The following MAP2K6 variants were observed in gnomAD, a reference collection of about 807,000 sequenced individuals.
MAP2K6 encodes dual specificity mitogen-activated protein kinase kinase 6.
In MAP2K6, 16 loss-of-function variants were observed where a neutral mutation model predicts 53.7. The observed-to-expected ratio is 0.30, with a 90% CI of 0.20 to 0.45. MAP2K6 has a LOEUF of 0.45. MAP2K6 is among the 20% of genes least tolerant of loss of function. The probability of loss-of-function intolerance (pLI) is 1.00; values close to 1 mark genes in which losing one functional copy is unlikely to be tolerated. For missense variants in MAP2K6, 204 were observed against 411.9 expected (o/e 0.50, Z 4.37); for synonymous variants, 132 against 143.1 (o/e 0.92, Z 0.55).
chr17:69,498,537 G>A (rs1211477234), intron 1 of MAP2K6, among the ~76,000 whole-genome samples: 2 of 152,014 alleles, frequency 1.3e-5, no homozygotes, highest in Non-Finnish European at 2.9e-5. Flanking sequence ...GGATAGGATT[G>A]CAAGTGTGGC....
intron 5 of MAP2K6, 147 bp from the exon 6 acceptor site, chr17:69,520,123 G>C: frequency 1.7e-6 from 1 of 582,238 alleles, no homozygotes; most frequent in Non-Finnish European, 3.0e-6. Context: ...ATTCCTTTAT[G>C]ATCTTGACAG....
intron 9 of MAP2K6, among the ~76,000 whole-genome samples, chr17:69,525,751 C>A: frequency 6.6e-6 from 1 of 152,280 alleles, no homozygotes; most frequent in South Asian, 2.1e-4. Context: ...CCCACTGGGT[C>A]CCTCCCACAA....
intron 1 of MAP2K6, among the ~76,000 whole-genome samples, chr17:69,463,314 A>G (rs1282110471): frequency 6.7e-6 from 1 of 150,062 alleles, no homozygotes; most frequent in African/African-American, 2.5e-5. Flanking sequence ...ATGTATATAT[A>G]TATCACTATA....
At chr17:69,451,841 G>C (rs997567389) in intron 1 of MAP2K6, among the ~76,000 whole-genome samples, 2 of 152,142 alleles carry the variant, frequency 1.3e-5, no homozygotes, top group African/African-American at 2.4e-5. Context: ...CCTGGAGAAG[G>C]CTCAGCAACT....
intron 1 of MAP2K6, among the ~76,000 whole-genome samples, chr17:69,470,338 A>C (rs1907945954): frequency 6.6e-6 from 1 of 152,232 alleles, no homozygotes; most frequent in South Asian, 2.1e-4. Flanking sequence ...ACTGATAAGA[A>C]TAAACCAGGC....
At chr17:69,506,266 C>CAT (rs1328003570) in intron 2 of MAP2K6, among the ~76,000 whole-genome samples, 1 of 149,724 alleles carries the variant, frequency 6.7e-6, no homozygotes, top group Non-Finnish European at 1.5e-5. Context: ...AATTCTGTCC[C>CAT]ATATAAACAG....
In MAP2K6 at chr17:69,440,426, A is replaced by T. The variant is rs1489628259; in HGVS notation, c.16+25426A>T. Among the ~76,000 whole-genome samples the T allele has an allele frequency of 2.6e-5, 4 of 152,006 alleles. No individual in the cohort carries two copies. In the East Asian group the frequency reaches 7.7e-4, roughly 29 times the overall value. On this transcript the variant is annotated intron_variant, in intron 1 of 11. Coordinates refer to ENST00000590474, the MANE Select transcript of MAP2K6 (RefSeq NM_002758.4). ...ACCCCAGCCTCACCCAATATAACTC[A>T]TCTCCTCTTGTGACTTACAGTGGTC... is the stretch of plus-strand genomic sequence containing the variant.
chr17:69,423,633 C>T (rs576526198), intron 1 of MAP2K6, among the ~76,000 whole-genome samples: 24 of 152,192 alleles, frequency 1.6e-4, no homozygotes, highest in Non-Finnish European at 3.2e-4. Context: ...CCACAGGAAA[C>T]GTCTGAGTGG....
At chr17:69,501,752 C>A (rs1909184379) in intron 1 of MAP2K6, 1 of 152,102 alleles carries the variant, frequency 6.6e-6, no homozygotes, top group Non-Finnish European at 1.5e-5. Flanking sequence ...CTGCAGAAAT[C>A]TACAGAATTC....
At chr17:69,519,222 A>G in intron 4 of MAP2K6, 91 bp from the exon 5 acceptor site, 1 of 1,436,240 alleles carries the variant, frequency 7.0e-7, no homozygotes, top group Admixed American at 2.3e-5. Flanking sequence ...AACTTGTGTC[A>G]TGAACTATTT....
intron 2 of MAP2K6, among the ~76,000 whole-genome samples, chr17:69,506,533 A>C (rs529491918): frequency 6.6e-6 from 1 of 152,004 alleles, no homozygotes; most frequent in Non-Finnish European, 1.5e-5. Context: ...TTCCAAGGAA[A>C]CTCACAATAG....
intron 2 of MAP2K6, among the ~76,000 whole-genome samples, chr17:69,510,800 C>A (rs948030580): frequency 1.3e-5 from 2 of 149,764 alleles, no homozygotes; most frequent in Non-Finnish European, 2.9e-5. Flanking sequence ...GTTGTGACAT[C>A]CTTTTTTTTT....
At chr17:69,498,799 C>T (rs1187838622) in intron 1 of MAP2K6, among the ~76,000 whole-genome samples, 3 of 152,112 alleles carry the variant, frequency 2.0e-5, no homozygotes, top group Non-Finnish European at 4.4e-5. Flanking sequence ...CAAGCAGGCA[C>T]TAGTTCTAGG....
rs1053898643 is a variant in MAP2K6, at chr17:69,543,884, A to T, written c.*2131A>T. 2 of 152,172 alleles carry T rather than the reference A, an allele frequency of 1.3e-5. No homozygotes were observed. Among genetic ancestry groups the T allele is most frequent in the Non-Finnish European group, 2.9e-5 (2 of 68,030 alleles). The allele number at this position is 152,172 out of a possible 1,614,324, so 9.4% of individuals were successfully genotyped here. On this transcript the variant is annotated 3_prime_UTR_variant, in exon 12 of 12. Coordinates refer to ENST00000590474, the MANE Select transcript of MAP2K6 (RefSeq NM_002758.4). ...CATATTAATAGTAGAGTAGAGAAAA[A>T]GTTAGTCTATGGTTCTCAACCCTCG...
At chr17:69,519,456 T>G in intron 5 of MAP2K6, 24 bp downstream of exon 5, 1 of 1,613,228 alleles carries the variant, frequency 6.2e-7, no homozygotes, top group Non-Finnish European at 8.5e-7. Flanking sequence ...CAATTCAAAG[T>G]CCAAGAGGAA....
At chr17:69,528,288 T>C (rs1910889275) in intron 10 of MAP2K6, among the ~76,000 whole-genome samples, 2 of 152,142 alleles carry the variant, frequency 1.3e-5, no homozygotes, top group Non-Finnish European at 1.5e-5. Context: ...TCTGCAGTTG[T>C]TTGTTTTTGT....
chr17:69,450,221 G>A (rs573236627), intron 1 of MAP2K6, among the ~76,000 whole-genome samples: 3 of 152,024 alleles, frequency 2.0e-5, no homozygotes, highest in Admixed American at 2.0e-4. Flanking sequence ...CCAAAGTGCT[G>A]GGATTGCAGG....
rs1376413702 is a variant in MAP2K6, at chr17:69,449,545, C to T, written c.16+34545C>T. Among the ~76,000 whole-genome samples, 46 of 105,616 alleles carry T rather than the reference C, an allele frequency of 4.4e-4. 1 individual carries two copies. The highest frequency in any genetic ancestry group is 2.5e-3 in the Admixed American group (24 of 9,610). The allele number at this position is 105,616 out of a possible 152,430, so 69.3% of individuals were successfully genotyped here. A position where few individuals can be genotyped will look rare whatever the true frequency, so the allele number is the denominator to read the frequency against. ...TTTCTTTCTTTGTCTTTCTTTCTTT[C>T]TTTCTTTCTTTCTTTATTTCTTTCT... On this transcript the variant is annotated intron_variant, in intron 1 of 11. Coordinates refer to ENST00000590474, the MANE Select transcript of MAP2K6 (RefSeq NM_002758.4).
intron 1 of MAP2K6, among the ~76,000 whole-genome samples, chr17:69,422,830 A>G (rs1598253733): frequency 1.3e-5 from 2 of 152,218 alleles, no homozygotes; most frequent in African/African-American, 4.8e-5. Context: ...GGGCCTGTGC[A>G]GCAAACTGCA....
Sources: allele counts gnomAD v4.1 joint callset (sites outside exome capture counted in the v4.1 genomes callset), GRCh38; gene constraint gnomAD v4.1.1; transcripts MANE v1.5; gene names NCBI Gene and HGNC (gene_info 2026-07-23, HGNC 2026-07-21).